The following SYN3 variants were observed in gnomAD, a reference collection of about 807,000 sequenced individuals.
The protein encoded by SYN3 is synapsin-3.
SYN3 carries 35 observed loss-of-function variants against 65.8 expected under a neutral mutation model. The observed-to-expected ratio is 0.53, with a 90% CI of 0.41 to 0.70. The LOEUF (loss-of-function observed/expected upper bound fraction) is 0.70, where lower values mean the gene tolerates loss of function less well. SYN3 is among the 30% of genes least tolerant of loss of function. The probability of loss-of-function intolerance (pLI) is 0.00; values close to 1 mark genes in which losing one functional copy is unlikely to be tolerated. For missense variants in SYN3, 680 were observed against 749.0 expected (o/e 0.91, Z 1.08); for synonymous variants, 270 against 292.9 (o/e 0.92, Z 0.80).
At chr22:32,824,549 GT>G (rs2047346444) in intron 6 of SYN3, among the ~76,000 whole-genome samples, 1 of 151,884 alleles carries the variant, frequency 6.6e-6, no homozygotes, top group Non-Finnish European at 1.5e-5. Context: ...AAAATGGAGT[GT>G]ATATATGTAT....
chr22:32,675,280 T>A (rs2060423946), intron 6 of SYN3, among the ~76,000 whole-genome samples: 1 of 152,206 alleles, frequency 6.6e-6, no homozygotes, highest in African/African-American at 2.4e-5. Context: ...CCTTGTCATA[T>A]ATCTTCCAGA....
chr22:32,658,338 G>A (rs370771420), intron 6 of SYN3, among the ~76,000 whole-genome samples: 2 of 152,202 alleles, frequency 1.3e-5, no homozygotes, highest in Non-Finnish European at 2.9e-5. Flanking sequence ...CCCCAACCCC[G>A]CTTTCGGGTG....
At chr22:32,553,086 G>A (rs1373664524) in intron 7 of SYN3, among the ~76,000 whole-genome samples, 1 of 151,978 alleles carries the variant, frequency 6.6e-6, no homozygotes, top group Admixed American at 6.6e-5. Context: ...CTTCTTATAA[G>A]GACCCTCATC....
At chr22:32,878,726 T>A (rs1321910066) in intron 4 of SYN3, among the ~76,000 whole-genome samples, 1 of 152,224 alleles carries the variant, frequency 6.6e-6, no homozygotes, top group Non-Finnish European at 1.5e-5. Context: ...CACATATCTT[T>A]CATTTTGTCA....
intron 3 of SYN3, among the ~76,000 whole-genome samples, chr22:32,952,571 C>T (rs1044992753): frequency 4.0e-5 from 6 of 151,870 alleles, no homozygotes; most frequent in African/African-American, 1.5e-4. Context: ...CCTGGGAAAA[C>T]ATAGTGAGAC....
Position 32,508,916 on chromosome 22 carries a change from CTGCTGTGTTTGT to C in SYN3, c.*4764_*4775del, listed in dbSNP as rs1003372139. Among the ~76,000 whole-genome samples, 13 of 152,130 alleles carry C rather than the reference CTGCTGTGTTTGT, an allele frequency of 8.5e-5. No homozygotes were observed. Among genetic ancestry groups the C allele is most frequent in the African/African-American group, 2.9e-4 (12 of 41,402 alleles). On this transcript the variant is annotated 3_prime_UTR_variant, in exon 14 of 14. Transcript: ENST00000358763. ...TTGATGTTCAGTTTTATGGGGTTTGCTGCTGTGTTTGTTACCATGTGAGTGAAGACCTATCAT... is the reference window on the plus strand; with the variant it reads ...TTGATGTTCAGTTTTATGGGGTTTGCTACCATGTGAGTGAAGACCTATCAT...
At chr22:32,611,284 GTTT>G (rs1201383074) in intron 6 of SYN3, among the ~76,000 whole-genome samples, 3,037 of 94,428 alleles carry the variant, frequency 0.032, 21 homozygotes, top group African/African-American at 0.051. Flanking sequence ...TTTTTTTTTT[GTTT>G]TTTTTTTTTT....
At chr22:32,954,841 TG>T (rs1402142486) in intron 3 of SYN3, among the ~76,000 whole-genome samples, 2 of 150,260 alleles carry the variant, frequency 1.3e-5, no homozygotes, top group Non-Finnish European at 2.9e-5. Flanking sequence ...TTTCTGTAAA[TG>T]TTTTTTTTTT....
intron 1 of SYN3, among the ~76,000 whole-genome samples, chr22:33,009,538 T>C (rs549289260): frequency 1.3e-5 from 2 of 152,248 alleles, no homozygotes; most frequent in East Asian, 3.9e-4. Context: ...GATACGTACA[T>C]TGTAAATATT....
chr22:32,794,755 G>T (rs1364819809), intron 6 of SYN3, among the ~76,000 whole-genome samples: 2 of 152,138 alleles, frequency 1.3e-5, no homozygotes, highest in African/African-American at 4.8e-5. Context: ...CCTGAGAGGG[G>T]GTGGTCCATT....
chr22:32,561,014 G>A (rs2058579241), intron 7 of SYN3, among the ~76,000 whole-genome samples: 1 of 152,196 alleles, frequency 6.6e-6, no homozygotes, highest in African/African-American at 2.4e-5. Flanking sequence ...TTTGAAGGCG[G>A]ATCCCGGCTT....
chr22:33,057,194 C>A (rs567284204), intron 1 of SYN3, among the ~76,000 whole-genome samples: 2 of 152,286 alleles, frequency 1.3e-5, no homozygotes, highest in South Asian at 4.1e-4. Context: ...CATCCATTGT[C>A]CCCAGAGCTG....
intron 1 of SYN3, among the ~76,000 whole-genome samples, chr22:33,031,656 C>T (rs920330841): frequency 1.1e-4 from 16 of 152,038 alleles, no homozygotes; most frequent in East Asian, 1.9e-4. Context: ...TTTCCACATC[C>T]GAGCTGTCCT....
At chr22:32,526,391 C>G (rs947515267) in intron 12 of SYN3, among the ~76,000 whole-genome samples, 1 of 152,056 alleles carries the variant, frequency 6.6e-6, no homozygotes, top group Admixed American at 6.6e-5. Context: ...AAGAGGAAGC[C>G]ATTTGGTGGC....
chr22:32,523,929 G>A (rs564102528), intron 12 of SYN3, among the ~76,000 whole-genome samples: 30 of 152,200 alleles, frequency 2.0e-4, no homozygotes, highest in South Asian at 4.1e-4. Flanking sequence ...TTGCTGATAC[G>A]GAAAAATTTG....
rs191796303 is a variant in SYN3 at position 32,952,082 on chromosome 22, C to A, written c.370-20601G>T. The stretch of plus-strand genomic sequence containing the variant: ...GGCATCTCAGGGCTGAGCTCTTTCC[C>A]ACCAGTTCAGACTCACCTTGCAGAC... On this transcript the variant is annotated intron_variant, in intron 3 of 13. Coordinates refer to ENST00000358763, the MANE Select transcript of SYN3 (RefSeq NM_003490.4). Among the ~76,000 whole-genome samples the A allele has an allele frequency of 1.6e-3, 241 of 152,272 alleles. 1 individual carries two copies. Among genetic ancestry groups the A allele is most frequent in the Admixed American group, 3.3e-3 (50 of 15,286 alleles).
intron 6 of SYN3, among the ~76,000 whole-genome samples, chr22:32,610,981 A>G (rs5994593): frequency 0.2 from 30,039 of 152,184 alleles, 3,215 homozygotes; most frequent in African/African-American, 0.21. Context: ...TCTGACGTTT[A>G]ATTATATTTT....
At chr22:32,760,454 G>T in intron 6 of SYN3, among the ~76,000 whole-genome samples, 1 of 152,082 alleles carries the variant, frequency 6.6e-6, no homozygotes, top group Non-Finnish European at 1.5e-5. Flanking sequence ...AGGAAACGGG[G>T]CTCAGAGATG....
At chr22:32,669,748 GT>G (rs1446169138) in intron 6 of SYN3, among the ~76,000 whole-genome samples, 1 of 152,208 alleles carries the variant, frequency 6.6e-6, no homozygotes, top group Non-Finnish European at 1.5e-5. Flanking sequence ...ATATGATTAT[GT>G]TCTGGTAAGA....
Sources: allele counts gnomAD v4.1 joint callset (sites outside exome capture counted in the v4.1 genomes callset), GRCh38; gene constraint gnomAD v4.1.1; transcripts MANE v1.5; gene names NCBI Gene and HGNC (gene_info 2026-07-23, HGNC 2026-07-21).